The following DOCK2 variants were observed in gnomAD, a reference collection of about 807,000 sequenced individuals.
DOCK2 encodes the protein dedicator of cytokinesis protein 2.
Under a neutral mutation model 248.9 loss-of-function variants are expected in DOCK2, and 87 were observed. The ratio of observed to expected loss-of-function variants is 0.35; its 90% CI spans 0.29 to 0.42. The LOEUF (loss-of-function observed/expected upper bound fraction) is 0.42. Among genes scored for constraint, DOCK2 ranks in the 10% least tolerant of loss-of-function variants. DOCK2 has a pLI of 1.00. For synonymous variants in DOCK2, 805 were observed against 821.6 expected, an observed-to-expected ratio of 0.98 and a Z score of 0.35; for missense variants, 1,747 against 2,300.2, an observed-to-expected ratio of 0.76 and a Z score of 4.92.
rs1756262597 is a variant in DOCK2, at chr5:170,034,702, CTT to C, written c.3624+149_3624+150del. On this transcript the variant is annotated intron_variant, in intron 35 of 51. Coordinates refer to ENST00000520908, the MANE Select transcript of DOCK2 (RefSeq NM_004946.3). The stretch of plus-strand genomic sequence containing the variant: ...AATGTGGAATGGAACGTCTGCTGCG[CTT>C]TCTGCTAGCTTTGTGTCTTGAGGCC... 4.4e-6 allele frequency: 5 copies of C among 1,148,824 alleles called. No individual in the cohort carries two copies. In the South Asian group the frequency reaches 8.2e-5, roughly 19 times the overall value. 71.2% of individuals were successfully genotyped at this position (1,148,824 alleles called of 1,614,324 possible).
intron 27 of DOCK2, among the ~76,000 whole-genome samples, chr5:169,956,752 C>T (rs1225448451): frequency 6.6e-5 from 10 of 152,016 alleles, no homozygotes; most frequent in African/African-American, 2.4e-4. Flanking sequence ...GTGAAGTTTC[C>T]CTAGCTGGAT....
At chr5:169,942,985 G>A (rs1329298433) in intron 27 of DOCK2, among the ~76,000 whole-genome samples, 1 of 152,176 alleles carries the variant, frequency 6.6e-6, no homozygotes, top group Non-Finnish European at 1.5e-5. Context: ...CGTATGCGTG[G>A]GACAAACATG....
intron 27 of DOCK2, among the ~76,000 whole-genome samples, chr5:169,908,859 C>G (rs1420761558): frequency 6.6e-6 from 1 of 151,938 alleles, no homozygotes; most frequent in African/African-American, 2.4e-5. Context: ...GGACTACAGG[C>G]CCCCACTACA....
chr5:169,809,192 T>C (rs1314962367), intron 26 of DOCK2, among the ~76,000 whole-genome samples: 2 of 152,128 alleles, frequency 1.3e-5, no homozygotes, highest in African/African-American at 2.4e-5. Context: ...CATTTTACCA[T>C]GTTGGCCAGG....
rs1470831004 is a variant in DOCK2, at chr5:170,040,191, T to C, written c.3666-864T>C. ...GCCCAGTCACTTTATAGATAGGTTC[T>C]GTGAATGTTGCCATTTTACAGATGA... On this transcript the variant is annotated intron_variant, in intron 36 of 51. Transcript: ENST00000520908. 2.0e-5 allele frequency among the ~76,000 whole-genome samples: 3 copies of C among 152,238 alleles called. No individual in the cohort carries two copies. The East Asian group carries it at 5.8e-4, about 29-fold the overall frequency.
chr5:169,852,383 T>C (rs998819569), intron 27 of DOCK2, among the ~76,000 whole-genome samples: 3 of 152,226 alleles, frequency 2.0e-5, no homozygotes, highest in African/African-American at 7.2e-5. Context: ...ATTTGGGCGT[T>C]GGCTGAGTAC....
chr5:169,637,480 C>A, intron 1 of DOCK2, 111 bp downstream of exon 1: 1 of 1,198,298 alleles, frequency 8.3e-7, no homozygotes, highest in Non-Finnish European at 1.1e-6. Flanking sequence ...GCGCTGCCTG[C>A]AGGTCAGAGG....
intron 33 of DOCK2, among the ~76,000 whole-genome samples, chr5:170,022,133 T>C (rs1176093010): frequency 2.0e-5 from 3 of 152,200 alleles, no homozygotes; most frequent in East Asian, 3.9e-4. Flanking sequence ...TCTTATGCCT[T>C]TGTATGGGCT....
intron 25 of DOCK2, among the ~76,000 whole-genome samples, chr5:169,796,334 G>C (rs1480323720): frequency 1.3e-5 from 2 of 152,220 alleles, no homozygotes; most frequent in Non-Finnish European, 2.9e-5. Flanking sequence ...TGTTTTATGA[G>C]TGATTCTTTG....
intron 30 of DOCK2, among the ~76,000 whole-genome samples, chr5:170,003,108 C>T (rs1205180758): frequency 6.6e-6 from 1 of 152,200 alleles, no homozygotes; most frequent in Admixed American, 6.5e-5. Context: ...GAAGACAGGG[C>T]TTACAAATAC....
At chr5:169,750,824 T>C (rs2113701169) in intron 23 of DOCK2, among the ~76,000 whole-genome samples, 1 of 152,348 alleles carries the variant, frequency 6.6e-6, no homozygotes, top group Middle Eastern at 3.4e-3. Context: ...CATTCTAATA[T>C]GGAGAGCAGT....
intron 27 of DOCK2, among the ~76,000 whole-genome samples, chr5:169,851,686 G>A (rs1770622776): frequency 6.6e-6 from 1 of 152,184 alleles, no homozygotes; most frequent in South Asian, 2.1e-4. Flanking sequence ...TTGACTCACA[G>A]TTTCTCATGG....
intron 27 of DOCK2, chr5:169,841,569 C>T: frequency 1.8e-6 from 1 of 556,282 alleles, no homozygotes; most frequent in Non-Finnish European, 2.3e-6. Context: ...AAAATCCAAA[C>T]ATTGCCAGGC....
intron 27 of DOCK2, among the ~76,000 whole-genome samples, chr5:169,943,751 C>T (rs539308674): frequency 1.8e-4 from 28 of 152,276 alleles, no homozygotes; most frequent in African/African-American, 6.7e-4. Context: ...AGGCCCTTCC[C>T]AGGCCTACTG....
intron 27 of DOCK2, among the ~76,000 whole-genome samples, chr5:169,856,973 C>G (rs1426265169): frequency 6.6e-6 from 1 of 152,164 alleles, no homozygotes; most frequent in Non-Finnish European, 1.5e-5. Flanking sequence ...AGTATACTTA[C>G]GGATTCTAAG....
chr5:169,843,136 T>C (rs1272900331), intron 27 of DOCK2, among the ~76,000 whole-genome samples: 2 of 152,226 alleles, frequency 1.3e-5, no homozygotes, highest in Non-Finnish European at 2.9e-5. Flanking sequence ...CCAAACATGC[T>C]GGCACTGTCT....
intron 27 of DOCK2, among the ~76,000 whole-genome samples, chr5:169,894,564 G>A (rs186808596): frequency 7.1e-4 from 107 of 150,404 alleles, no homozygotes; most frequent in Middle Eastern, 3.4e-3. Flanking sequence ...GGGAAGAGAA[G>A]GGGGGAAGTT....
At chr5:169,947,844 C>CATA (rs1776507168) in intron 27 of DOCK2, among the ~76,000 whole-genome samples, 6 of 151,456 alleles carry the variant, frequency 4.0e-5, no homozygotes, top group Admixed American at 2.0e-4. Flanking sequence ...AGCATAAATA[C>CATA]CTACAGCATA....
At chr5:169,826,725 A>G (rs1283747860) in intron 26 of DOCK2, among the ~76,000 whole-genome samples, 3 of 152,160 alleles carry the variant, frequency 2.0e-5, no homozygotes, top group Non-Finnish European at 2.9e-5. Context: ...TAATATGGAG[A>G]GGCAGTGTTA....
Sources: allele counts gnomAD v4.1 joint callset (sites outside exome capture counted in the v4.1 genomes callset), GRCh38; gene constraint gnomAD v4.1.1; transcripts MANE v1.5; gene names NCBI Gene and HGNC (gene_info 2026-07-23, HGNC 2026-07-21).